Variants in SLC25A40 observed in about 807,000 individuals in gnomAD.
SLC25A40 encodes the protein mitochondrial glutathione transporter SLC25A40.
Under a neutral mutation model 46.5 loss-of-function variants are expected in SLC25A40, and 41 were observed. The observed-to-expected ratio is 0.88, with a 90% confidence interval of 0.69 to 1.14. The LOEUF is 1.14. SLC25A40 is among the 50% of genes most tolerant of loss of function. SLC25A40 has a pLI of 0.00. For missense variants in SLC25A40, 386 were observed against 393.6 expected, an observed-to-expected ratio of 0.98 and a Z score of 0.16; for synonymous variants, 126 against 127.5, an observed-to-expected ratio of 0.99 and a Z score of 0.08.
chr7:87,835,333 G>T lies in SLC25A40; in HGVS notation c.*916C>A, dbSNP rs1355690680. ...TCAAAGGATATTTTAGAAATATCTT[G>T]TAACTATTGTTGTAGCAATAATCTG... On this transcript the variant is annotated 3_prime_UTR_variant, in exon 12 of 12. Coordinates refer to ENST00000341119, the MANE Select transcript of SLC25A40 (RefSeq NM_018843.4). The T allele has an allele frequency of 6.6e-6, 1 of 151,534 alleles. No individual in the cohort carries two copies. The highest frequency in any genetic ancestry group is 1.5e-5 in the Non-Finnish European group (1 of 67,690). The allele number at this position is 151,534 out of a possible 1,614,324, so 9.4% of individuals were successfully genotyped here.
chr7:87,849,210 GAC>G (rs1361275041), intron 6 of SLC25A40, among the ~76,000 whole-genome samples: 1 of 152,106 alleles, frequency 6.6e-6, no homozygotes, highest in Non-Finnish European at 1.5e-5. Flanking sequence ...GTGTAGCAAA[GAC>G]AACACAGCAG....
intron 10 of SLC25A40, among the ~76,000 whole-genome samples, chr7:87,837,302 A>G (rs193187010): frequency 6.6e-6 from 1 of 151,192 alleles, no homozygotes; most frequent in Admixed American, 6.6e-5. Flanking sequence ...AATGCCAAAG[A>G]AAAGTCCTCA....
intron 1 of SLC25A40, among the ~76,000 whole-genome samples, chr7:87,866,057 G>A (rs10253864): frequency 0.049 from 7,418 of 151,428 alleles, 271 homozygotes; most frequent in East Asian, 0.092. Flanking sequence ...TACTCCAGCC[G>A]AGGCAATAGA....
At chr7:87,841,157 GTGTATA>G (rs920079614) in intron 10 of SLC25A40, among the ~76,000 whole-genome samples, 2 of 147,448 alleles carry the variant, frequency 1.4e-5, no homozygotes, top group African/African-American at 5.0e-5. Context: ...GTGTGTGTGT[GTGTATA>G]TATATATATA....
At chr7:87,851,720 T>C (rs1376337998) in intron 5 of SLC25A40, among the ~76,000 whole-genome samples, 3 of 152,256 alleles carry the variant, frequency 2.0e-5, no homozygotes, top group South Asian at 2.1e-4. Context: ...TGTGTGTCAA[T>C]AGAGGCTGGG....
chr7:87,867,891 G>A (rs1584339005), intron 1 of SLC25A40, among the ~76,000 whole-genome samples: 1 of 152,372 alleles, frequency 6.6e-6, no homozygotes, highest in East Asian at 1.9e-4. Context: ...CACAGAGAAT[G>A]TATCACAGCA....
chr7:87,841,374 G>T (rs1838332178), intron 10 of SLC25A40, among the ~76,000 whole-genome samples: 1 of 151,604 alleles, frequency 6.6e-6, no homozygotes, highest in Non-Finnish European at 1.5e-5. Flanking sequence ...AAATGACAAA[G>T]ATTATTTCTT....
At chr7:87,868,143 C>A (rs1252833640) in intron 1 of SLC25A40, among the ~76,000 whole-genome samples, 1 of 152,138 alleles carries the variant, frequency 6.6e-6, no homozygotes, top group Non-Finnish European at 1.5e-5. Context: ...AGGAATTCTC[C>A]TGAAAGGGAA....
chr7:87,866,979 T>G (rs1374745951), intron 1 of SLC25A40, among the ~76,000 whole-genome samples: 2 of 152,220 alleles, frequency 1.3e-5, no homozygotes, highest in East Asian at 3.9e-4. Context: ...GTCCCCTGGA[T>G]GCGCCTTTTA....
intron 9 of SLC25A40, among the ~76,000 whole-genome samples, chr7:87,843,239 C>T (rs1473931260): frequency 6.6e-6 from 1 of 152,020 alleles, no homozygotes; most frequent in Non-Finnish European, 1.5e-5. Flanking sequence ...TATCATTCTA[C>T]AGGAAGGTGT....
At chr7:87,872,644 C>T (rs1465765020) in intron 1 of SLC25A40, among the ~76,000 whole-genome samples, 1 of 152,120 alleles carries the variant, frequency 6.6e-6, no homozygotes, top group Non-Finnish European at 1.5e-5. Flanking sequence ...AAGAATTTAG[C>T]CAGTACAATA....
chr7:87,870,238 T>C, intron 1 of SLC25A40, among the ~76,000 whole-genome samples: 1 of 151,852 alleles, frequency 6.6e-6, no homozygotes, highest in Admixed American at 6.6e-5. Flanking sequence ...TTTTGTGGGC[T>C]GTCTTTTCAC....
chr7:87,871,627 G>A (rs1457228710), intron 1 of SLC25A40, among the ~76,000 whole-genome samples: 1 of 152,176 alleles, frequency 6.6e-6, no homozygotes, highest in Admixed American at 6.5e-5. Flanking sequence ...GTTACATGGT[G>A]ATTTACACTG....
intron 4 of SLC25A40, 90 bp downstream of exon 4, chr7:87,856,202 A>C: frequency 8.6e-7 from 1 of 1,160,768 alleles, no homozygotes; most frequent in South Asian, 1.4e-5. Flanking sequence ...CAATTTTAAT[A>C]AATTAGCAAA....
intron 5 of SLC25A40, 23 bp from the exon 6 acceptor site, chr7:87,849,971 G>C: frequency 6.8e-7 from 1 of 1,467,114 alleles, no homozygotes; most frequent in Non-Finnish European, 9.4e-7. Context: ...TAGAAAAAAA[G>C]TAATCAAAAT....
chr7:87,842,476 T>A (rs1001942371), intron 9 of SLC25A40, among the ~76,000 whole-genome samples: 1 of 152,026 alleles, frequency 6.6e-6, no homozygotes, highest in African/African-American at 2.4e-5. Context: ...GCCAATATGG[T>A]CATAAAATGT....
intron 1 of SLC25A40, among the ~76,000 whole-genome samples, chr7:87,863,345 G>A (rs76535673): frequency 0.1 from 15,887 of 151,962 alleles, 1,102 homozygotes; most frequent in Admixed American, 0.21. Flanking sequence ...GTGATAGTGC[G>A]TTCTCACAAG....
intron 2 of SLC25A40, among the ~76,000 whole-genome samples, chr7:87,860,348 T>C (rs889075568): frequency 1.3e-5 from 2 of 152,240 alleles, no homozygotes; most frequent in Admixed American, 6.5e-5. Context: ...TATAATTTTT[T>C]TTCTGAACCA....
rs1335195277 is a variant in SLC25A40, at chr7:87,834,045, T to C, written c.*2204A>G. 1 of 151,972 alleles carries C rather than the reference T, an allele frequency of 6.6e-6. No homozygotes were observed. The highest frequency in any genetic ancestry group is 1.5e-5 in the Non-Finnish European group (1 of 67,910). 9.4% of individuals were successfully genotyped at this position (151,972 alleles called of 1,614,324 possible). On this transcript the variant is annotated 3_prime_UTR_variant, in exon 12 of 12. Coordinates refer to ENST00000341119, the MANE Select transcript of SLC25A40 (RefSeq NM_018843.4). Reference sequence around the variant, plus strand: ...TTTACATTAATCAATTAAATGTTTATGTTAGAAAATTTAACATTAATAGAA... The same window carrying C: ...TTTACATTAATCAATTAAATGTTTACGTTAGAAAATTTAACATTAATAGAA...
Sources: gnomAD v4.1 joint callset for allele counts (sites outside exome capture counted in the v4.1 genomes callset) on GRCh38, gnomAD v4.1.1 for gene constraint, MANE v1.5 for transcripts, NCBI Gene and HGNC (gene_info 2026-07-23, HGNC 2026-07-21) for gene names.